NRIP1: variants seen among roughly 807,000 people sequenced by gnomAD.
NRIP1 encodes nuclear receptor interacting protein 1.
Under a neutral mutation model 75.0 loss-of-function variants are expected in NRIP1, and 28 were observed. The ratio of observed to expected loss-of-function variants is 0.37; its 90% CI spans 0.28 to 0.51. The LOEUF is 0.51. NRIP1 is among the 20% of genes least tolerant of loss of function. The probability of loss-of-function intolerance (pLI) is 0.92; values close to 1 mark genes in which losing one functional copy is unlikely to be tolerated. For missense variants in NRIP1, 1,435 were observed against 1,343.7 expected, an observed-to-expected ratio of 1.07 and a Z score of -1.06; for synonymous variants, 526 against 487.6, an observed-to-expected ratio of 1.08 and a Z score of -1.04.
At chr21:14,990,226 C>T (rs2087531497) in intron 3 of NRIP1, among the ~76,000 whole-genome samples, 2 of 152,192 alleles carry the variant, frequency 1.3e-5, no homozygotes, top group South Asian at 4.1e-4. Context: ...CCTCCTCTTA[C>T]ATGGTTTATT....
rs113706702 is a variant in NRIP1, at chr21:15,028,975, T to C, written c.-457-14509A>G. Among the ~76,000 whole-genome samples, 617 of 152,134 alleles carry C rather than the reference T, an allele frequency of 4.1e-3. 7 individuals carry two copies. Among genetic ancestry groups the C allele is most frequent in the African/African-American group, 0.014 (589 of 41,514 alleles). ...CAGATCAGCTCCATTCTTCCAATTGTTCAGGCTGCCATCCGAGATGCCTCT... is the reference window on the plus strand; with the variant it reads ...CAGATCAGCTCCATTCTTCCAATTGCTCAGGCTGCCATCCGAGATGCCTCT... On this transcript the variant is annotated intron_variant, in intron 2 of 3. Transcript: ENST00000318948.
intron 3 of NRIP1, among the ~76,000 whole-genome samples, chr21:15,011,723 C>A (rs1345197240): frequency 6.6e-6 from 1 of 152,102 alleles, no homozygotes; most frequent in Non-Finnish European, 1.5e-5. Context: ...ATTTAGTTAA[C>A]ACTACCGAAA....
chr21:14,966,548 T>G lies in NRIP1; in HGVS notation c.1645A>C (p.Thr549Pro), dbSNP rs1568939197. 6.2e-7 allele frequency: 1 copy of G among 1,614,068 alleles called. No homozygotes were observed. The change falls in exon 4 of 4, where the codon ACT (threonine) becomes CCT (proline). Residue 549 changes from threonine (T) to proline (P), a missense_variant. By Grantham distance (38) the Thr-to-Pro change is conservative. Coordinates refer to ENST00000318948, the MANE Select transcript of NRIP1 (RefSeq NM_003489.4). ...AGTAAAGGTGGAGTGCTCACTGGAGTAGTCCGATTTGTACTGGGGCTTTCT... is the reference window on the plus strand; with the variant it reads ...AGTAAAGGTGGAGTGCTCACTGGAGGAGTCCGATTTGTACTGGGGCTTTCT... ...VIESPSTNRTTPVSTPPLLTS... is the reference protein window; with the variant it reads ...VIESPSTNRTPPVSTPPLLTS...
chr21:14,962,047 T>C lies in NRIP1; in HGVS notation c.*2669A>G, dbSNP rs943253835. ...TATATATATATATATATATATAAAA[T>C]ATATACTCTCACCAGTTTACTCTTC... On this transcript the variant is annotated 3_prime_UTR_variant, in exon 4 of 4. Transcript: ENST00000318948. 1.4e-5 allele frequency: 2 copies of C among 144,180 alleles called. No individual in the cohort carries two copies. Among genetic ancestry groups the C allele is most frequent in the Non-Finnish European group, 3.0e-5 (2 of 65,716 alleles). 8.9% of individuals were successfully genotyped at this position (144,180 alleles called of 1,614,324 possible).
intron 1 of NRIP1, among the ~76,000 whole-genome samples, chr21:15,055,468 T>G (rs1382343326): frequency 6.6e-6 from 1 of 152,234 alleles, no homozygotes; most frequent in African/African-American, 2.4e-5. Context: ...TTTCAAGTAC[T>G]AGAATATTCA....
intron 3 of NRIP1, among the ~76,000 whole-genome samples, chr21:14,993,904 A>T (rs2087642274): frequency 6.6e-6 from 1 of 152,212 alleles, no homozygotes; most frequent in African/African-American, 2.4e-5. Flanking sequence ...TTTTATACTC[A>T]AGTATCTTGA....
intron 2 of NRIP1, among the ~76,000 whole-genome samples, chr21:15,038,494 G>GT (rs1402446531): frequency 4.0e-5 from 6 of 151,828 alleles, no homozygotes; most frequent in Non-Finnish European, 7.4e-5. Context: ...TTTTATAAAT[G>GT]TACTTCTCAG....
intron 2 of NRIP1, among the ~76,000 whole-genome samples, chr21:15,030,491 A>T (rs977702217): frequency 2.6e-5 from 4 of 152,164 alleles, no homozygotes; most frequent in Non-Finnish European, 4.4e-5. Flanking sequence ...ACAATAAAAC[A>T]AGATATTTCA....
chr21:15,046,371 T>C (rs2089074429), intron 1 of NRIP1, among the ~76,000 whole-genome samples: 1 of 152,230 alleles, frequency 6.6e-6, no homozygotes, highest in Admixed American at 6.5e-5. Flanking sequence ...GCGTGGTCAA[T>C]AAACAGTAAT....
intron 3 of NRIP1, among the ~76,000 whole-genome samples, chr21:14,985,755 A>T (rs1007449360): frequency 6.6e-6 from 1 of 152,146 alleles, no homozygotes; most frequent in Non-Finnish European, 1.5e-5. Context: ...ATCAAGAATG[A>T]GTATATGCTT....
chr21:15,000,655 G>C (rs1168951577), intron 3 of NRIP1, among the ~76,000 whole-genome samples: 1 of 152,002 alleles, frequency 6.6e-6, no homozygotes, highest in Non-Finnish European at 1.5e-5. Context: ...AGTAAAAAGA[G>C]TTTAAAGAAC....
chr21:15,036,593 T>C (rs767411381), intron 2 of NRIP1, among the ~76,000 whole-genome samples: 23 of 150,926 alleles, frequency 1.5e-4, no homozygotes, highest in Non-Finnish European at 3.2e-4. Flanking sequence ...TGGGGGTTTT[T>C]TTGGAGGGGG....
At chr21:15,056,871 T>C (rs547713497) in intron 1 of NRIP1, among the ~76,000 whole-genome samples, 167 of 152,288 alleles carry the variant, frequency 1.1e-3, no homozygotes, top group African/African-American at 3.9e-3. Flanking sequence ...AAATTTTAAA[T>C]GAGGCAAGTA....
chr21:14,983,809 A>G (rs1183047659), intron 3 of NRIP1, among the ~76,000 whole-genome samples: 3 of 152,202 alleles, frequency 2.0e-5, no homozygotes, highest in African/African-American at 7.2e-5. Context: ...CATAAATGGA[A>G]CAACAAAGCC....
At chr21:15,044,314 C>T (rs968284209) in intron 1 of NRIP1, among the ~76,000 whole-genome samples, 2 of 149,836 alleles carry the variant, frequency 1.3e-5, no homozygotes, top group Non-Finnish European at 1.5e-5. Flanking sequence ...ATGTTAAACT[C>T]AGAATTAGAA....
intron 3 of NRIP1, among the ~76,000 whole-genome samples, chr21:15,002,877 G>A (rs1375365820): frequency 6.6e-6 from 1 of 152,142 alleles, no homozygotes; most frequent in Non-Finnish European, 1.5e-5. Flanking sequence ...TGCATTACCA[G>A]TAATAAGACA....
At chr21:15,050,798 C>T in intron 1 of NRIP1, 3 of 456,034 alleles carry the variant, frequency 6.6e-6, no homozygotes, top group South Asian at 3.1e-5. Context: ...CTCAGCGTGC[C>T]TTTCACATGC....
At chr21:14,988,501 G>A (rs1262904757) in intron 3 of NRIP1, among the ~76,000 whole-genome samples, 1 of 137,342 alleles carries the variant, frequency 7.3e-6, no homozygotes, top group Non-Finnish European at 1.6e-5. Context: ...ATATATATAT[G>A]TGTGTGTGTG....
intron 3 of NRIP1, among the ~76,000 whole-genome samples, chr21:14,995,907 A>G (rs1462449709): frequency 6.6e-6 from 1 of 152,188 alleles, no homozygotes; most frequent in East Asian, 1.9e-4. Flanking sequence ...TATTTCACTT[A>G]AGAATAAAGT....
Sources: allele counts gnomAD v4.1 joint callset (sites outside exome capture counted in the v4.1 genomes callset), GRCh38; gene constraint gnomAD v4.1.1; transcripts MANE v1.5; gene names NCBI Gene and HGNC (gene_info 2026-07-23, HGNC 2026-07-21).